The following INSYN2A variants were observed in gnomAD, a reference collection of about 807,000 sequenced individuals.
INSYN2A encodes the protein family with sequence similarity 196 member A.
In INSYN2A, 17 loss-of-function variants were observed where a neutral mutation model predicts 39.4. The observed-to-expected ratio is 0.43, with a 90% confidence interval of 0.30 to 0.65. INSYN2A has a LOEUF of 0.65. Ranked by LOEUF, INSYN2A falls within the 30% of genes least tolerant of loss-of-function variation. INSYN2A has a pLI of 0.14. For synonymous variants in INSYN2A, 255 were observed against 265.7 expected, an observed-to-expected ratio of 0.96 and a Z score of 0.39; for missense variants, 595 against 631.2, an observed-to-expected ratio of 0.94 and a Z score of 0.61.
intron 5 of INSYN2A, among the ~76,000 whole-genome samples, chr10:127,153,414 G>T (rs75302514): frequency 0.022 from 3,274 of 152,262 alleles, 113 homozygotes; most frequent in African/African-American, 0.071. Flanking sequence ...CACAATCCTC[G>T]AGAGTTCCCA....
chr10:127,180,891 A>C (rs1411272453), intron 2 of INSYN2A, among the ~76,000 whole-genome samples: 1 of 152,254 alleles, frequency 6.6e-6, no homozygotes, highest in East Asian at 1.9e-4. Flanking sequence ...TTGTGGTATT[A>C]AGATAGCACA....
At chr10:127,195,063 C>G (rs1380477976) in intron 1 of INSYN2A, among the ~76,000 whole-genome samples, 1 of 152,244 alleles carries the variant, frequency 6.6e-6, no homozygotes, top group Non-Finnish European at 1.5e-5. Flanking sequence ...TCCTCCCCCA[C>G]TCCTGGCATC....
intron 2 of INSYN2A, among the ~76,000 whole-genome samples, chr10:127,185,539 T>G (rs939334813): frequency 6.6e-6 from 1 of 152,184 alleles, no homozygotes; most frequent in African/African-American, 2.4e-5. Context: ...TCCTTAGAGC[T>G]GGGACCTTAG....
At position 127,141,680 on chromosome 10, in the gene INSYN2A, A is replaced by AC. The variant is rs67915995; in HGVS notation, c.1257-3661_1257-3660insG. Among the ~76,000 whole-genome samples the AC allele has an allele frequency of 5.7e-3, 860 of 151,734 alleles. 6 individuals are homozygous for AC. Among genetic ancestry groups the AC allele is most frequent in the Non-Finnish European group, 7.2e-3 (486 of 67,892 alleles). ...AGTGAGACTTTGTCTTTAAAACAAA[A>AC]AAAAAAAAAAAGCAAATTCTACCTC... On this transcript the variant is annotated intron_variant, in intron 5 of 5. Transcript: ENST00000522781.
chr10:127,190,549 A>G (rs909568067), intron 2 of INSYN2A, among the ~76,000 whole-genome samples: 14 of 95,684 alleles, frequency 1.5e-4, no homozygotes, highest in Non-Finnish European at 2.9e-4. Context: ...ATTTCCTCCT[A>G]TTTCAAAGTA....
intron 5 of INSYN2A, among the ~76,000 whole-genome samples, chr10:127,145,570 G>A (rs901430686): frequency 3.9e-5 from 6 of 152,144 alleles, no homozygotes; most frequent in Admixed American, 1.3e-4. Context: ...TGAGTCCCTC[G>A]TGGCCAACCC....
chr10:127,138,122 A>G (rs2050863118), intron 5 of INSYN2A, 102 bp from the exon 6 acceptor site: 4 of 993,894 alleles, frequency 4.0e-6, no homozygotes, highest in Non-Finnish European at 5.9e-6. Context: ...TGTGTTTGTA[A>G]TGTAATTTTA....
At chr10:127,179,564 T>TAAAATTG (rs2055522475) in intron 2 of INSYN2A, among the ~76,000 whole-genome samples, 1 of 152,228 alleles carries the variant, frequency 6.6e-6, no homozygotes, top group African/African-American at 2.4e-5. Context: ...TCTAAAGCTT[T>TAAAATTG]AAAATTGAAT....
In INSYN2A at chr10:127,176,199, G is replaced by A. The variant is rs745443698; in HGVS notation, c.197C>T (p.Ser66Leu). 9 of 1,614,086 alleles carry A rather than the reference G, an allele frequency of 5.6e-6. No individual in the cohort carries two copies. The highest frequency in any genetic ancestry group is 1.6e-4 in the Middle Eastern group (1 of 6,062). ...CTCCCGCTTCTCCCCCAGCTGGCCC[G>A]AGGACAGCTGTGTGTCCCTCTGCTC... Reference protein sequence around the residue: ...QNEQRDTQLSSGQLGEKREAK... With the variant: ...QNEQRDTQLSLGQLGEKREAK... Residue 66 changes from serine (S) to leucine (L), a missense_variant, in exon 4 of 6, where the codon TCG (serine) becomes TTG (leucine). By Grantham distance (145) the Ser-to-Leu change is moderately radical (BLOSUM62 -2). Transcript: ENST00000522781. The surrounding 1 kb of genome is among the most constrained non-coding windows in gnomAD (Gnocchi z 4.4).
chr10:127,146,007 G>A (rs1349427940), intron 5 of INSYN2A: 1 of 517,630 alleles, frequency 1.9e-6, no homozygotes, highest in Non-Finnish European at 3.9e-6. Context: ...GAATTCCCTA[G>A]TCACTCTATT....
intron 4 of INSYN2A, among the ~76,000 whole-genome samples, chr10:127,163,589 C>T (rs578054458): frequency 6.6e-6 from 1 of 152,250 alleles, no homozygotes; most frequent in South Asian, 2.1e-4. Flanking sequence ...GAACTGATAA[C>T]ATGCCCTTTT....
chr10:127,168,164 T>G (rs1309344971), intron 4 of INSYN2A, among the ~76,000 whole-genome samples: 2 of 152,100 alleles, frequency 1.3e-5, no homozygotes, highest in Non-Finnish European at 1.5e-5. Flanking sequence ...GAGAGCCTGG[T>G]CACCCCACCC....
intron 5 of INSYN2A, among the ~76,000 whole-genome samples, chr10:127,146,832 G>T (rs1370522459): frequency 4.6e-5 from 7 of 152,182 alleles, no homozygotes; most frequent in Admixed American, 3.3e-4. Flanking sequence ...GCTGGAATTG[G>T]CACGGATTCT....
At chr10:127,185,215 T>C (rs2056116242) in intron 2 of INSYN2A, among the ~76,000 whole-genome samples, 2 of 152,122 alleles carry the variant, frequency 1.3e-5, no homozygotes, top group Admixed American at 6.5e-5. Context: ...CAGTCATCCT[T>C]CTTTACTTAC....
chr10:127,185,162 A>G (rs939326810), intron 2 of INSYN2A, among the ~76,000 whole-genome samples: 1 of 152,150 alleles, frequency 6.6e-6, no homozygotes, highest in African/African-American at 2.4e-5. Context: ...CACAAATATA[A>G]GTGTTCTGTG....
chr10:127,176,833 A>C lies in INSYN2A; in HGVS notation c.-6+44T>G. ...CTATTTTTTGAGGATGACGTCATTA[A>C]TCTATTGCTGGAATCTGGGAGAGCT... On this transcript the variant is annotated intron_variant, in intron 3 of 5. Coordinates refer to ENST00000522781, the MANE Select transcript of INSYN2A (RefSeq NM_001039762.3). The surrounding 1 kb of genome is among the most constrained non-coding windows in gnomAD (Gnocchi z 4.4). The C allele has an allele frequency of 6.3e-6, 1 of 157,774 alleles. No homozygotes were observed. The highest frequency in any genetic ancestry group is 1.9e-4 in the East Asian group (1 of 5,320). The allele number at this position is 157,774 out of a possible 1,614,324, so 9.8% of individuals were successfully genotyped here.
At chr10:127,160,822 T>A (rs1334937948) in intron 4 of INSYN2A, among the ~76,000 whole-genome samples, 1 of 152,244 alleles carries the variant, frequency 6.6e-6, no homozygotes, top group African/African-American at 2.4e-5. Flanking sequence ...GTTCTTTCAG[T>A]TTTCTTACTG....
At chr10:127,154,653 A>G (rs2052855921) in intron 4 of INSYN2A, among the ~76,000 whole-genome samples, 2 of 152,200 alleles carry the variant, frequency 1.3e-5, no homozygotes, top group South Asian at 2.1e-4. Flanking sequence ...TCCCATTGCC[A>G]TAACTTCTGA....
At chr10:127,157,699 C>T (rs1266889149) in intron 4 of INSYN2A, among the ~76,000 whole-genome samples, 1 of 152,072 alleles carries the variant, frequency 6.6e-6, no homozygotes, top group Non-Finnish European at 1.5e-5. Flanking sequence ...GGTGGTCTGT[C>T]AGTTTCTAAA....
Sources: gnomAD v4.1 joint callset for allele counts (sites outside exome capture counted in the v4.1 genomes callset) on GRCh38, gnomAD v4.1.1 for gene constraint, Gnocchi (gnomAD v3.1) non-coding constraint, MANE v1.5 for transcripts, NCBI Gene and HGNC (gene_info 2026-07-23, HGNC 2026-07-21) for gene names.